The following SLC9B1 variants were observed in gnomAD, a reference collection of about 807,000 sequenced individuals.
SLC9B1 encodes solute carrier family 9 member B1.
A neutral mutation model predicts 51.7 loss-of-function variants in SLC9B1; 32 were observed. The observed-to-expected ratio is 0.62, with a 90% CI of 0.47 to 0.83. SLC9B1 has a LOEUF of 0.83. Ranked by LOEUF, SLC9B1 falls within the 40% of genes least tolerant of loss-of-function variation. SLC9B1 has a pLI of 0.00. For synonymous variants in SLC9B1, 145 were observed against 212.7 expected, an observed-to-expected ratio of 0.68 and a Z score of 2.77; for missense variants, 406 against 613.2, an observed-to-expected ratio of 0.66 and a Z score of 3.57.
intron 3 of SLC9B1, among the ~76,000 whole-genome samples, chr4:102,982,374 G>T (rs551305476): frequency 6.6e-5 from 10 of 152,006 alleles, no homozygotes; most frequent in Non-Finnish European, 4.4e-5. Flanking sequence ...TCAATGTCGA[G>T]TTGGCTTTTC....
At chr4:102,973,357 G>T (rs1738862421) in intron 3 of SLC9B1, among the ~76,000 whole-genome samples, 1 of 152,108 alleles carries the variant, frequency 6.6e-6, no homozygotes, top group African/African-American at 2.4e-5. Context: ...AAGTCATTAT[G>T]TAAAGACATC....
intron 3 of SLC9B1, among the ~76,000 whole-genome samples, chr4:102,978,379 A>G (rs1039730932): frequency 3.9e-5 from 6 of 152,160 alleles, no homozygotes; most frequent in African/African-American, 1.4e-4. Flanking sequence ...TGAACAGGCA[A>G]CCTACAGAAT....
chr4:102,941,399 A>G, intron 6 of SLC9B1: 1 of 449,642 alleles, frequency 2.2e-6, no homozygotes, highest in Non-Finnish European at 4.5e-6. Flanking sequence ...AAAAATATTC[A>G]ACATCACTAA....
intron 6 of SLC9B1, among the ~76,000 whole-genome samples, chr4:102,937,412 T>TAAA (rs754801733): frequency 1.1e-4 from 5 of 45,242 alleles, no homozygotes; most frequent in African/African-American, 4.6e-4. Context: ...TCAGCATTCT[T>TAAA]AAAAAAAAAA....
At chr4:103,000,689 T>C (rs955094259) in intron 1 of SLC9B1, among the ~76,000 whole-genome samples, 4 of 152,232 alleles carry the variant, frequency 2.6e-5, no homozygotes, top group African/African-American at 9.6e-5. Context: ...CATGCTGATG[T>C]AAAGGGTAGA....
At chr4:102,990,843 G>T (rs1156334219) in intron 2 of SLC9B1, among the ~76,000 whole-genome samples, 1 of 152,022 alleles carries the variant, frequency 6.6e-6, no homozygotes, top group Non-Finnish European at 1.5e-5. Flanking sequence ...GCAGCTGATG[G>T]TTAAAAATGA....
intron 3 of SLC9B1, among the ~76,000 whole-genome samples, chr4:102,971,567 C>T (rs1467117534): frequency 6.6e-6 from 1 of 152,054 alleles, no homozygotes; most frequent in East Asian, 1.9e-4. Context: ...CCTAACATCA[C>T]AATGAAAAGA....
At chr4:102,925,027 C>G (rs1736085259) in intron 7 of SLC9B1, among the ~76,000 whole-genome samples, 1 of 152,112 alleles carries the variant, frequency 6.6e-6, no homozygotes, top group Non-Finnish European at 1.5e-5. Context: ...ACTAGAAATA[C>G]CATTTCACCC....
rs774309434 is a variant in SLC9B1, at chr4:102,906,578, C to T, written c.1153G>A (p.Gly385Arg). ...IFQPLLFGLVGAEVSVSSLES... is the reference protein window; with the variant it reads ...IFQPLLFGLVRAEVSVSSLES... ...AGCGATGAAACAGATACTTCTGCTC[C>T]AACTAAACCAAAAAGAAGTGGTTGA... Residue 385 changes from glycine to arginine, a missense_variant, in exon 10 of 12, where the codon GGA becomes AGA. This residue lies in a region of SLC9B1 where 250 missense variants were observed against 394.1 expected (regional missense o/e 0.63). Transcript: ENST00000296422. The T allele has an allele frequency of 3.8e-6, 6 of 1,590,374 alleles. No individual in the cohort carries two copies. Among genetic ancestry groups the T allele is most frequent in the Non-Finnish European group, 3.4e-6 (4 of 1,175,626 alleles).
chr4:103,012,959 T>A (rs1230050923), intron 1 of SLC9B1, among the ~76,000 whole-genome samples: 4 of 152,182 alleles, frequency 2.6e-5, no homozygotes, highest in African/African-American at 7.2e-5. Context: ...CACCTCTTAA[T>A]ATTGTTGCAT....
At chr4:102,950,437 T>C (rs1007544959) in intron 3 of SLC9B1, among the ~76,000 whole-genome samples, 4 of 152,240 alleles carry the variant, frequency 2.6e-5, no homozygotes, top group African/African-American at 9.6e-5. Context: ...GACAATAACA[T>C]GGTAAATTTC....
At chr4:102,962,073 G>A (rs753457137) in intron 3 of SLC9B1, 41 of 353,426 alleles carry the variant, frequency 1.2e-4, no homozygotes, top group Non-Finnish European at 1.9e-4. Flanking sequence ...GCCCACACCT[G>A]GAGGTTGAGC....
chr4:102,994,209 T>C (rs1038909025), intron 1 of SLC9B1, among the ~76,000 whole-genome samples: 2 of 152,150 alleles, frequency 1.3e-5, no homozygotes, highest in Non-Finnish European at 2.9e-5. Context: ...ATGCTCTGCT[T>C]CCTCTTGAAC....
chr4:102,925,902 T>C (rs1736143521), intron 7 of SLC9B1, among the ~76,000 whole-genome samples: 1 of 152,022 alleles, frequency 6.6e-6, no homozygotes, highest in African/African-American at 2.4e-5. Context: ...TCCACCACGA[T>C]CAAGTCGGCT....
At chr4:102,982,947 C>A (rs1415136231) in intron 3 of SLC9B1, among the ~76,000 whole-genome samples, 2 of 152,072 alleles carry the variant, frequency 1.3e-5, no homozygotes, top group Non-Finnish European at 1.5e-5. Flanking sequence ...GAGGAGGCAT[C>A]CTTACCTTGT....
intron 3 of SLC9B1, among the ~76,000 whole-genome samples, chr4:102,988,381 A>C (rs1739769207): frequency 6.6e-6 from 1 of 152,110 alleles, no homozygotes; most frequent in Non-Finnish European, 1.5e-5. Context: ...TTTAAATTTA[A>C]CTTGTACACA....
At chr4:102,932,620 C>T (rs1243650283) in intron 6 of SLC9B1, among the ~76,000 whole-genome samples, 5 of 152,052 alleles carry the variant, frequency 3.3e-5, no homozygotes, top group Admixed American at 2.0e-4. Context: ...CCGCAATGGA[C>T]AAGAAACTAA....
chr4:102,961,279 T>C (rs1738103202), intron 3 of SLC9B1, among the ~76,000 whole-genome samples: 1 of 152,280 alleles, frequency 6.6e-6, no homozygotes, highest in Admixed American at 6.5e-5. Context: ...ATGAAAGTAA[T>C]AGAAGACTAA....
At chr4:103,018,522 T>C (rs1204188726) in intron 1 of SLC9B1, among the ~76,000 whole-genome samples, 1 of 152,206 alleles carries the variant, frequency 6.6e-6, no homozygotes, top group Non-Finnish European at 1.5e-5. Context: ...GTGTCATTTT[T>C]CATGCTTCTG....
Sources: gnomAD v4.1 joint callset for allele counts (sites outside exome capture counted in the v4.1 genomes callset) on GRCh38, gnomAD v4.1.1 for gene constraint, gnomAD v4.1.1 regional missense constraint, MANE v1.5 for transcripts, NCBI Gene and HGNC (gene_info 2026-07-23, HGNC 2026-07-21) for gene names.